Variants in IFT140 observed in about 807,000 individuals in gnomAD.
IFT140 encodes the protein intraflagellar transport protein 140 homolog.
Under a neutral mutation model 164.6 loss-of-function variants are expected in IFT140, and 133 were observed. That is an observed-to-expected ratio of 0.81 (90% confidence interval 0.70 to 0.93). The LOEUF is 0.93. Among genes scored for constraint, IFT140 ranks in the 40% least tolerant of loss-of-function variants. The pLI is 0.00. For synonymous variants in IFT140, 860 were observed against 817.3 expected, an observed-to-expected ratio of 1.05 and a Z score of -0.89; for missense variants, 2,045 against 1,972.3, an observed-to-expected ratio of 1.04 and a Z score of -0.70.
rs924678713 is a variant in IFT140, at chr16:1,568,156, C to T, written c.1770+61G>A. 8.7e-6 allele frequency: 11 copies of T among 1,261,006 alleles called. No individual in the cohort carries two copies. The Admixed American group carries it at 1.8e-4, about 20-fold the overall frequency. The allele number at this position is 1,261,006 out of a possible 1,614,324, so 78.1% of individuals were successfully genotyped here. On this transcript the variant is annotated intron_variant, in intron 15 of 30. Transcript: ENST00000426508. ...AGAGAGGCACGAGCAGGCAGGAGGC[C>T]TGGCCTGGGAGGACAGAGGTGAGGA...
chr16:1,600,736 A>G (rs994698394), intron 4 of IFT140, among the ~76,000 whole-genome samples: 1 of 152,226 alleles, frequency 6.6e-6, no homozygotes, highest in African/African-American at 2.4e-5. Context: ...CTGATGTGAA[A>G]AAGAATGAGG....
intron 29 of IFT140, among the ~76,000 whole-genome samples, chr16:1,519,148 C>T (rs1192507010): frequency 6.6e-6 from 1 of 152,244 alleles, no homozygotes; most frequent in Non-Finnish European, 1.5e-5. Context: ...GCTGATACCC[C>T]AGAATCGACA....
intron 19 of IFT140, chr16:1,541,044 C>A: frequency 8.1e-6 from 8 of 985,414 alleles, no homozygotes; most frequent in Non-Finnish European, 9.6e-6. Flanking sequence ...AGAAACGTGA[C>A]GAGCCCTGGT....
Position 1,609,151 on chromosome 16 carries a change from TA to T in IFT140, c.-32+1512del, listed in dbSNP as rs201785316. Among the ~76,000 whole-genome samples, 176 of 149,086 alleles carry T rather than the reference TA, an allele frequency of 1.2e-3. 1 individual carries two copies. The highest frequency in any genetic ancestry group is 1.9e-3 in the Non-Finnish European group (128 of 67,024). ...GTCTGGGCGACAGAGCAAAACTGTT[TA>T]AAAAAAAAAGGGGGTTTTAACATGT... On this transcript the variant is annotated intron_variant, in intron 2 of 30. Transcript: ENST00000426508.
chr16:1,558,681 TC>T (rs2033238488), intron 18 of IFT140, among the ~76,000 whole-genome samples: 1 of 152,200 alleles, frequency 6.6e-6, no homozygotes, highest in Non-Finnish European at 1.5e-5. Context: ...GCTTGCCTCT[TC>T]TTTAATCATG....
chr16:1,574,105 T>C (rs147054463), intron 13 of IFT140, among the ~76,000 whole-genome samples: 201 of 152,260 alleles, frequency 1.3e-3, no homozygotes, highest in Middle Eastern at 6.8e-3. Context: ...GGCATTTCCA[T>C]CAACCAAAGA....
intron 4 of IFT140, among the ~76,000 whole-genome samples, chr16:1,593,548 C>T (rs191961960): frequency 9.9e-5 from 15 of 152,192 alleles, no homozygotes; most frequent in East Asian, 1.9e-4. Flanking sequence ...GACATCTGGC[C>T]GCCGTGTCTC....
chr16:1,562,069 G>A lies in IFT140; in HGVS notation c.2115C>T (p.Phe705=). 1.2e-6 allele frequency: 2 copies of A among 1,612,154 alleles called. No individual in the cohort carries two copies. Among genetic ancestry groups the A allele is most frequent in the Non-Finnish European group, 1.7e-6 (2 of 1,179,126 alleles). ...LSFFISEEHG[F]LLHESFPRPA... ...GCCGGGGGAAGCTCTCATGAAGCAG[G>A]AAGCCGTGCTCTTCGGAAATGAAGA... The change falls in exon 18 of 31, where the codon TTC becomes TTT. Residue 705 remains phenylalanine, a synonymous_variant. Transcript: ENST00000426508.
intron 3 of IFT140, among the ~76,000 whole-genome samples, chr16:1,605,305 T>C (rs2036001926): frequency 6.6e-6 from 1 of 152,190 alleles, no homozygotes; most frequent in Admixed American, 6.5e-5. Flanking sequence ...GGGTGACACC[T>C]AGAAGCAACT....
At chr16:1,528,504 C>CAT (rs2030056659) in intron 19 of IFT140, among the ~76,000 whole-genome samples, 1 of 152,038 alleles carries the variant, frequency 6.6e-6, no homozygotes, top group African/African-American at 2.4e-5. Flanking sequence ...CATACACACA[C>CAT]ATGCAGGCAC....
intron 12 of IFT140, among the ~76,000 whole-genome samples, chr16:1,581,572 C>G (rs1240836640): frequency 2.7e-5 from 4 of 146,146 alleles, no homozygotes; most frequent in Non-Finnish European, 5.9e-5. Context: ...TGCACTCCAG[C>G]CTGGGTGACA....
At chr16:1,594,885 C>T (rs2035374769) in intron 4 of IFT140, among the ~76,000 whole-genome samples, 1 of 152,260 alleles carries the variant, frequency 6.6e-6, no homozygotes, top group South Asian at 2.1e-4. Context: ...GTACGCTCTT[C>T]TTCCCACCGC....
intron 15 of IFT140, among the ~76,000 whole-genome samples, chr16:1,567,991 C>G (rs1406076036): frequency 2.0e-5 from 3 of 152,170 alleles, no homozygotes; most frequent in African/African-American, 7.2e-5. Flanking sequence ...CAGAAGATGG[C>G]AGGTCGGGGA....
At chr16:1,518,956 C>A (rs542462639) in intron 29 of IFT140, among the ~76,000 whole-genome samples, 1 of 152,138 alleles carries the variant, frequency 6.6e-6, no homozygotes, top group Non-Finnish European at 1.5e-5. Context: ...CCCACTGACT[C>A]GGCCATTCCA....
intron 14 of IFT140, among the ~76,000 whole-genome samples, chr16:1,570,886 G>A (rs554949043): frequency 6.6e-6 from 1 of 152,216 alleles, no homozygotes; most frequent in East Asian, 1.9e-4. Context: ...CTCCCAAGCA[G>A]GTGGGACTAC....
At chr16:1,541,792 C>T in intron 19 of IFT140, 2 of 1,151,570 alleles carry the variant, frequency 1.7e-6, no homozygotes, top group South Asian at 3.1e-5. Context: ...AGCCACTGCC[C>T]AATGGAGGCA....
intron 10 of IFT140, among the ~76,000 whole-genome samples, chr16:1,584,734 T>G (rs947555523): frequency 1.3e-5 from 2 of 152,142 alleles, no homozygotes; most frequent in Admixed American, 6.5e-5. Context: ...GAGTGTGACA[T>G]AGGGATGTTT....
At chr16:1,549,398 G>A (rs1384754787) in intron 19 of IFT140, among the ~76,000 whole-genome samples, 1 of 152,218 alleles carries the variant, frequency 6.6e-6, no homozygotes, top group Non-Finnish European at 1.5e-5. Flanking sequence ...CCCAGAACGC[G>A]GCTCCAGACG....
chr16:1,525,931 G>A lies in IFT140; in HGVS notation c.2724C>T (p.Ala908=), dbSNP rs138166567. The part of the protein sequence containing the change: ...VHLRSTYHRY[A]GHLEASADCS... ...AGTCGGCGCTGGCCTCCAGGTGCCC[G>A]GCATAGCGGTGGTAGGTGCTGCGCA... Residue 908 remains alanine (A), a synonymous_variant, in exon 21 of 31, where the codon GCC becomes GCT. Coordinates refer to ENST00000426508, the MANE Select transcript of IFT140 (RefSeq NM_014714.4). 141 of 1,571,454 alleles carry A rather than the reference G, an allele frequency of 9.0e-5. No homozygotes were observed. The highest frequency in any genetic ancestry group is 4.0e-4 in the Middle Eastern group (2 of 5,012).
Sources: allele counts gnomAD v4.1 joint callset (sites outside exome capture counted in the v4.1 genomes callset), GRCh38; gene constraint gnomAD v4.1.1; transcripts MANE v1.5; gene names NCBI Gene and HGNC (gene_info 2026-07-23, HGNC 2026-07-21).